The following NAA25 variants were observed in gnomAD, a reference collection of about 807,000 sequenced individuals.
NAA25 encodes the protein N-alpha-acetyltransferase 25, NatB auxiliary subunit.
Under a neutral mutation model 132.5 loss-of-function variants are expected in NAA25, and 30 were observed. That is an observed-to-expected ratio of 0.23 (90% CI 0.17 to 0.31). The LOEUF is 0.31. Ranked by LOEUF, NAA25 falls within the 10% of genes least tolerant of loss-of-function variation. The probability of loss-of-function intolerance (pLI) is 1.00; values close to 1 mark genes in which losing one functional copy is unlikely to be tolerated. For synonymous variants in NAA25, 359 were observed against 401.9 expected (o/e 0.89, Z 1.28); for missense variants, 771 against 1,150.4 (o/e 0.67, Z 4.77).
chr12:112,030,628 G>A (rs2078137332), intron 23 of NAA25, among the ~76,000 whole-genome samples: 1 of 152,318 alleles, frequency 6.6e-6, no homozygotes, highest in South Asian at 2.1e-4. Context: ...AGAGAAAGGA[G>A]GTTGGCTGAA....
chr12:112,052,367 C>A lies in NAA25; in HGVS notation c.1728+1191G>T, dbSNP rs149460810. ...CCTCTCTCCCTGATCAGATGCTGTG[C>A]CACAAAATGAGGTCTGAACGGAGAT... On this transcript the variant is annotated intron_variant, in intron 15 of 23. Transcript: ENST00000261745. Among the ~76,000 whole-genome samples, 27 of 152,216 alleles carry A rather than the reference C, an allele frequency of 1.8e-4. 1 individual carries two copies. The highest frequency in any genetic ancestry group is 5.8e-4 in the African/African-American group (24 of 41,528).
At chr12:112,048,535 A>T (rs1425618077) in intron 15 of NAA25, 92 bp from the exon 16 acceptor site, 2 of 1,074,616 alleles carry the variant, frequency 1.9e-6, no homozygotes, top group Non-Finnish European at 2.7e-6. Context: ...ACTCAAACTA[A>T]AATTAAGTTT....
Position 112,087,692 on chromosome 12 carries a change from T to A in NAA25, c.393A>T (p.Lys131Asn). Reference sequence around the variant, plus strand: ...TTGGGGATCAAATTACCTGTTGCATTTTCTTGTATTCACCCACTCTGGCAT... The same window carrying A: ...TTGGGGATCAAATTACCTGTTGCATATTCTTGTATTCACCCACTCTGGCAT... ...MAYARVGEYK[K>N]MQQAGMALYK... Residue 131 changes from lysine to asparagine, a missense_variant, in exon 4 of 24, where the codon AAA becomes AAT. This residue lies in a region of NAA25 where 417 missense variants were observed against 733.8 expected (regional missense o/e 0.57). Transcript: ENST00000261745. 6.2e-7 allele frequency: 1 copy of A among 1,611,968 alleles called. No homozygotes were observed. The highest frequency in any genetic ancestry group is 8.5e-7 in the Non-Finnish European group (1 of 1,178,466).
At chr12:112,073,581 C>T (rs1414539697) in intron 9 of NAA25, among the ~76,000 whole-genome samples, 3 of 152,046 alleles carry the variant, frequency 2.0e-5, no homozygotes, top group Admixed American at 1.3e-4. Flanking sequence ...GGACTACAGG[C>T]GCCCGCCACC....
intron 13 of NAA25, among the ~76,000 whole-genome samples, chr12:112,054,910 C>A (rs1413689930): frequency 6.6e-6 from 1 of 152,158 alleles, no homozygotes; most frequent in Non-Finnish European, 1.5e-5. Context: ...CTTGCCCCTG[C>A]AGGATTTCCT....
intron 1 of NAA25, 134 bp downstream of exon 1, chr12:112,108,582 T>C: frequency 1.0e-6 from 1 of 986,802 alleles, no homozygotes; most frequent in Non-Finnish European, 1.3e-6. Flanking sequence ...TGCGGCCTAG[T>C]GGCCCGCGCG....
intron 15 of NAA25, among the ~76,000 whole-genome samples, chr12:112,050,290 G>A (rs182539132): frequency 1.2e-4 from 19 of 152,146 alleles, no homozygotes; most frequent in Non-Finnish European, 2.5e-4. Context: ...TACTGGAACT[G>A]CAGGCAAAAC....
At chr12:112,104,954 T>C (rs769074896) in intron 1 of NAA25, among the ~76,000 whole-genome samples, 2 of 148,728 alleles carry the variant, frequency 1.3e-5, no homozygotes, top group African/African-American at 5.0e-5. Context: ...GAGGCAGAGG[T>C]TGCAGTGAGC....
intron 9 of NAA25, among the ~76,000 whole-genome samples, chr12:112,073,637 C>T (rs551748193): frequency 6.6e-6 from 1 of 152,088 alleles, no homozygotes; most frequent in Admixed American, 6.6e-5. Flanking sequence ...GGGGTTTCAC[C>T]ATTCACAGGA....
intron 22 of NAA25, among the ~76,000 whole-genome samples, chr12:112,035,693 T>C (rs572843237): frequency 0.014 from 2,202 of 151,944 alleles, 67 homozygotes; most frequent in African/African-American, 0.05. Context: ...TTTTTTTTTT[T>C]TTTTGAGACA....
rs571125529 is a variant in NAA25 at position 112,044,230 on chromosome 12, C to G, written c.2007-362G>C. ...ACAGGCGTCAGCTACCGCGCCTGGC[C>G]TCAAATCATTTAAAGTTAACTTTCA... On this transcript the variant is annotated intron_variant, in intron 17 of 23. Transcript: ENST00000261745. 2.6e-5 allele frequency among the ~76,000 whole-genome samples: 4 copies of G among 151,910 alleles called. No homozygotes were observed. In the South Asian group the frequency reaches 6.3e-4, roughly 24 times the overall value.
At chr12:112,090,551 C>A in intron 3 of NAA25, 175 bp downstream of exon 3, 1 of 516,716 alleles carries the variant, frequency 1.9e-6, no homozygotes, top group Non-Finnish European at 3.3e-6. Context: ...TTCAAGGATC[C>A]TAATGCATGT....
At chr12:112,098,582 G>A (rs1178407311) in intron 1 of NAA25, among the ~76,000 whole-genome samples, 1 of 152,114 alleles carries the variant, frequency 6.6e-6, no homozygotes, top group Non-Finnish European at 1.5e-5. Context: ...ATGAGGAATG[G>A]TGCTGTTCCC....
chr12:112,074,810 G>T, intron 8 of NAA25, 46 bp from the exon 9 acceptor site: 1 of 1,242,026 alleles, frequency 8.1e-7, no homozygotes, highest in Non-Finnish European at 1.2e-6. Context: ...CCCAAGTTGT[G>T]ACAGATCTTC....
chr12:112,095,630 A>C (rs557305804), intron 1 of NAA25, among the ~76,000 whole-genome samples: 19 of 151,696 alleles, frequency 1.3e-4, no homozygotes, highest in African/African-American at 4.3e-4. Flanking sequence ...AAAAAAAAAA[A>C]AACAAGAAAT....
intron 11 of NAA25, among the ~76,000 whole-genome samples, chr12:112,062,908 C>T (rs1367289297): frequency 6.6e-6 from 1 of 151,324 alleles, no homozygotes; most frequent in East Asian, 1.9e-4. Flanking sequence ...ACAAACAAAA[C>T]ACATAGCCAG....
chr12:112,039,783 C>T (rs1473125212), intron 21 of NAA25: 1 of 161,340 alleles, frequency 6.2e-6, no homozygotes, highest in Admixed American at 6.3e-5. Flanking sequence ...ATATGTATGG[C>T]AAAATCTACC....
chr12:112,074,464 T>C (rs543619128), intron 9 of NAA25, among the ~76,000 whole-genome samples: 1 of 151,900 alleles, frequency 6.6e-6, no homozygotes, highest in African/African-American at 2.4e-5. Context: ...GTAGGATAAG[T>C]GGAAATTAGC....
At chr12:112,084,807 T>A (rs2079021068) in intron 4 of NAA25, among the ~76,000 whole-genome samples, 1 of 145,642 alleles carries the variant, frequency 6.9e-6, no homozygotes, top group African/African-American at 2.6e-5. Context: ...AATAAATAAA[T>A]AAAAATTAGC....
Sources: allele counts gnomAD v4.1 joint callset (sites outside exome capture counted in the v4.1 genomes callset), GRCh38; gene constraint gnomAD v4.1.1; regional missense constraint gnomAD v4.1.1; transcripts MANE v1.5; gene names NCBI Gene and HGNC (gene_info 2026-07-23, HGNC 2026-07-21).